Variants in KLK1 observed in about 807,000 individuals in gnomAD.
KLK1 encodes the protein kallikrein-1.
Under a neutral mutation model 23.3 loss-of-function variants are expected in KLK1, and 22 were observed. The ratio of observed to expected loss-of-function variants is 0.95; its 90% confidence interval spans 0.68 to 1.35. KLK1 has a LOEUF of 1.35. Among genes scored for constraint, KLK1 ranks in the 40% most tolerant of loss-of-function variants. The pLI, the probability that KLK1 is intolerant of heterozygous loss-of-function variation, is 0.00. For synonymous variants in KLK1, 140 were observed against 135.8 expected (o/e 1.03, Z -0.21); for missense variants, 301 against 338.9 (o/e 0.89, Z 0.88).
chr19:50,822,821 T>G lies in KLK1; in HGVS notation c.46+882A>C, dbSNP rs1004097113. 55 of 977,230 alleles carry G rather than the reference T, an allele frequency of 5.6e-5. No homozygotes were observed. In the African/African-American group the frequency reaches 9.5e-4, roughly 17 times the overall value. 60.5% of individuals were successfully genotyped at this position (977,230 alleles called of 1,614,324 possible). ...GTGGTGAGAACAGGCGCCAAGCAGC[T>G]GTGGGAATGCAATGCAGGACCCACT... On this transcript the variant is annotated intron_variant, in intron 1 of 4. Coordinates refer to ENST00000301420, the MANE Select transcript of KLK1 (RefSeq NM_002257.4).
In KLK1 at chr19:50,823,293, C is replaced by A. The variant is rs566452673; in HGVS notation, c.46+410G>T. On this transcript the variant is annotated intron_variant, in intron 1 of 4. Transcript: ENST00000301420. ...GACTCAGGAGCCAAATAGGTGGCCG[C>A]AGGGAACTAGGGGGCAGGAGGGGAT... Among the ~76,000 whole-genome samples, 4 of 151,344 alleles carry A rather than the reference C, an allele frequency of 2.6e-5. No homozygotes were observed. The East Asian group carries it at 5.9e-4, about 22-fold the overall frequency.
At chr19:50,822,360 G>A (rs756937578) in intron 1 of KLK1, 6 of 987,708 alleles carry the variant, frequency 6.1e-6, no homozygotes, top group Middle Eastern at 5.2e-4. Context: ...TGAGGTTCAG[G>A]AAAGGATGCA....
At position 50,820,368 on chromosome 19, in the gene KLK1, C is replaced by G; in HGVS notation, c.282G>C (p.Glu94Asp). 1 of 1,613,946 alleles carries G rather than the reference C, an allele frequency of 6.2e-7. No homozygotes were observed. Among genetic ancestry groups the G allele is most frequent in the Non-Finnish European group, 8.5e-7 (1 of 1,180,022 alleles). ...ENTAQFVHVS[E>D]SFPHPGFNMS... Reference sequence around the variant, plus strand: ...TGTTGAAGCCAGGGTGTGGGAAGCTCTCACTGACATGAACAAACTGGGCTG... The same window carrying G: ...TGTTGAAGCCAGGGTGTGGGAAGCTGTCACTGACATGAACAAACTGGGCTG... The change falls in exon 3 of 5, where the codon GAG (glutamate) becomes GAC (aspartate). Residue 94 changes from glutamate to aspartate, a missense_variant. By Grantham distance (45) the Glu-to-Asp change is conservative (BLOSUM62 2). Coordinates refer to ENST00000301420, the MANE Select transcript of KLK1 (RefSeq NM_002257.4).
At chr19:50,822,662 C>G (rs562812177) in intron 1 of KLK1, 1 of 964,638 alleles carries the variant, frequency 1.0e-6, no homozygotes, top group Non-Finnish European at 1.2e-6. Flanking sequence ...AGGAGGGAGG[C>G]GTGAGTGGCA....
In KLK1 at chr19:50,821,892, C is replaced by T. The variant is rs981286394; in HGVS notation, c.47-21G>A. ...AGCACCTGCAGAGGCGGTGCTGGGT[C>T]AGGAAGGGCAGGGTTGGCAGGAGAG... is the stretch of plus-strand genomic sequence containing the variant. On this transcript the variant is annotated intron_variant, in intron 1 of 4. Transcript: ENST00000301420. This position sits in a 1 kb window ranked among gnomAD's most constrained non-coding sequence, Gnocchi z 5.6. 1.9e-6 allele frequency: 3 copies of T among 1,590,652 alleles called. No individual in the cohort carries two copies. Among genetic ancestry groups the T allele is most frequent in the Non-Finnish European group, 2.6e-6 (3 of 1,165,612 alleles).
At position 50,819,294 on chromosome 19, in the gene KLK1, C is replaced by G. The variant is rs757495269; in HGVS notation, c.689G>C (p.Trp230Ser). The change falls in exon 5 of 5, where the codon TGG (tryptophan) becomes TCG (serine). Residue 230 changes from tryptophan to serine, a missense_variant. By Grantham distance (177) the Trp-to-Ser change is radical (BLOSUM62 -3). Coordinates refer to ENST00000301420, the MANE Select transcript of KLK1 (RefSeq NM_002257.4). Reference sequence around the variant, plus strand: ...GGGGGTGCCACAAGGGACGTAGCCCCATGATGTGACACCTTGGAGCACACC... The same window carrying G: ...GGGGGTGCCACAAGGGACGTAGCCCGATGATGTGACACCTTGGAGCACACC... Reference protein sequence around the residue: ...CDGVLQGVTSWGYVPCGTPNK... With the variant: ...CDGVLQGVTSSGYVPCGTPNK... The G allele has an allele frequency of 1.5e-5, 24 of 1,614,026 alleles. No homozygotes were observed. The highest frequency in any genetic ancestry group is 1.9e-5 in the Non-Finnish European group (23 of 1,179,990).
At position 50,821,003 on chromosome 19, in the gene KLK1, G is replaced by A. The variant is rs1255290455; in HGVS notation, c.207-560C>T. ...GGAGGGGAGGCCTGAGAGCGGCTCA[G>A]CTGCAGCTGGGGCTGTGGTGCGGGC... On this transcript the variant is annotated intron_variant, in intron 2 of 4. Coordinates refer to ENST00000301420, the MANE Select transcript of KLK1 (RefSeq NM_002257.4). This position sits in a 1 kb window ranked among gnomAD's most constrained non-coding sequence, Gnocchi z 5.6. Among the ~76,000 whole-genome samples, 1 of 152,056 alleles carries A rather than the reference G, an allele frequency of 6.6e-6. No individual in the cohort carries two copies. The highest frequency in any genetic ancestry group is 1.5e-5 in the Non-Finnish European group (1 of 67,990).
chr19:50,820,453 G>C lies in KLK1; in HGVS notation c.207-10C>G. 1 of 1,360,666 alleles carries C rather than the reference G, an allele frequency of 7.3e-7. No individual in the cohort carries two copies. The highest frequency in any genetic ancestry group is 9.8e-7 in the Non-Finnish European group (1 of 1,021,186). The allele number at this position is 1,360,666 out of a possible 1,614,324, so 84.3% of individuals were successfully genotyped here. A position where few individuals can be genotyped will look rare whatever the true frequency, so the allele number is the denominator to read the frequency against. ...CCAGAGCTGGTAATTGCTGGGGAAA[G>C]ATGGGAATGGAGGGATGAGAAGACG... On this transcript the variant is annotated splice_polypyrimidine_tract_variant and intron_variant, in intron 2 of 4. Transcript: ENST00000301420.
chr19:50,820,063 A>G, intron 3 of KLK1, 28 bp from the exon 4 acceptor site: 1 of 1,613,596 alleles, frequency 6.2e-7, no homozygotes, highest in Non-Finnish European at 8.5e-7. Context: ...AAAGGGCTGC[A>G]GCCCGACCTC....
At position 50,820,011 on chromosome 19, in the gene KLK1, C is replaced by A; in HGVS notation, c.521G>T (p.Cys174Phe). Residue 174 changes from cysteine to phenylalanine, a missense_variant, in exon 4 of 5, where the codon TGT becomes TTT. Physicochemically the swap from Cys to Phe is radical, Grantham distance 205. Transcript: ENST00000301420. The stretch of plus-strand genomic sequence containing the variant: ...ATTAGGCAGGATTTTGAGGTCCACA[C>A]ACTGGAGATCATCTGGAAATGAGAC... ...ENFSFPDDLQ[C>F]VDLKILPNDE... 6.2e-7 allele frequency: 1 copy of A among 1,614,200 alleles called. No individual in the cohort carries two copies. Among genetic ancestry groups the A allele is most frequent in the Non-Finnish European group, 8.5e-7 (1 of 1,180,030 alleles).
In KLK1 at chr19:50,819,151, T is replaced by C. The variant is rs749015091; in HGVS notation, c.*43A>G. ...ATGGCAGAACGTGACACACATTGGATGCACATTTGATTTTACTGGGGGTAG... is the reference window on the plus strand; with the variant it reads ...ATGGCAGAACGTGACACACATTGGACGCACATTTGATTTTACTGGGGGTAG... On this transcript the variant is annotated 3_prime_UTR_variant, in exon 5 of 5. Coordinates refer to ENST00000301420, the MANE Select transcript of KLK1 (RefSeq NM_002257.4). The C allele has an allele frequency of 1.3e-6, 2 of 1,559,758 alleles. No homozygotes were observed. Among genetic ancestry groups the C allele is most frequent in the Non-Finnish European group, 1.8e-6 (2 of 1,139,876 alleles).
At position 50,821,025 on chromosome 19, in the gene KLK1, G is replaced by A. The variant is rs2089825398; in HGVS notation, c.207-582C>T. Among the ~76,000 whole-genome samples the A allele has an allele frequency of 1.3e-5, 2 of 152,122 alleles. No individual in the cohort carries two copies. The highest frequency in any genetic ancestry group is 2.4e-5 in the African/African-American group (1 of 41,418). On this transcript the variant is annotated intron_variant, in intron 2 of 4. Coordinates refer to ENST00000301420, the MANE Select transcript of KLK1 (RefSeq NM_002257.4). The surrounding 1 kb of genome is among the most constrained non-coding windows in gnomAD (Gnocchi z 5.6). ...TCAGCTGCAGCTGGGGCTGTGGTGC[G>A]GGCTCCCCAGGGGCAGGTGGCCTGG... is the stretch of plus-strand genomic sequence containing the variant.
Position 50,821,678 on chromosome 19 carries a change from A to G in KLK1, c.206+34T>C. On this transcript the variant is annotated intron_variant, in intron 2 of 4. Transcript: ENST00000301420. This position sits in a 1 kb window ranked among gnomAD's most constrained non-coding sequence, Gnocchi z 5.6. ...GCCTGTCAATCCTGTGGCAGCATAG[A>G]TGCCCTCCTCCCAGACCCCAGGCCC... is the stretch of plus-strand genomic sequence containing the variant. 6.5e-7 allele frequency: 1 copy of G among 1,545,480 alleles called. No individual in the cohort carries two copies. Among genetic ancestry groups the G allele is most frequent in the Non-Finnish European group, 8.8e-7 (1 of 1,142,546 alleles).
At chr19:50,819,842 C>G in intron 4 of KLK1, 57 bp downstream of exon 4, 1 of 1,572,024 alleles carries the variant, frequency 6.4e-7, no homozygotes, top group Non-Finnish European at 8.7e-7. Flanking sequence ...GAAGCCAGTT[C>G]AGAGGCTGAG....
At position 50,822,067 on chromosome 19, in the gene KLK1, C is replaced by T. The variant is rs2089831763; in HGVS notation, c.47-196G>A. 8 of 1,355,416 alleles carry T rather than the reference C, an allele frequency of 5.9e-6. No individual in the cohort carries two copies. In the African/African-American group the frequency reaches 7.3e-5, roughly 12 times the overall value. 84.0% of individuals were successfully genotyped at this position (1,355,416 alleles called of 1,614,324 possible). Reference sequence around the variant, plus strand: ...GTTCCCTGGGCTTTTGGAGTGGTGGCTGGACCTGGTGGGGAGATTTTGTGC... The same window carrying T: ...GTTCCCTGGGCTTTTGGAGTGGTGGTTGGACCTGGTGGGGAGATTTTGTGC... On this transcript the variant is annotated intron_variant, in intron 1 of 4. Transcript: ENST00000301420.
At chr19:50,822,972 G>A (rs2089837190) in intron 1 of KLK1, 2 of 936,350 alleles carry the variant, frequency 2.1e-6, no homozygotes, top group Non-Finnish European at 2.5e-6. Context: ...AACAATTCAG[G>A]CAGAGAAGGG....
At position 50,823,742 on chromosome 19, in the gene KLK1, A is replaced by G. The variant is rs1442798948; in HGVS notation, c.7T>C (p.Phe3Leu). The change falls in exon 1 of 5, where the codon TTC (phenylalanine) becomes CTC (leucine). Residue 3 changes from phenylalanine to leucine, a missense_variant. Phe to Leu is a conservative substitution (Grantham distance 22). Transcript: ENST00000301420. MW[F>L]LVLCLALSLG... ...GACAGGGCGAGGCACAGAACCAGGA[A>G]CCACATGGTGACAGAGGTGTCCAGG... 2 of 1,610,846 alleles carry G rather than the reference A, an allele frequency of 1.2e-6. No homozygotes were observed. The highest frequency in any genetic ancestry group is 2.7e-5 in the African/African-American group (2 of 74,772).
intron 1 of KLK1, chr19:50,822,682 G>A (rs548246172): frequency 1.1e-5 from 11 of 985,206 alleles, no homozygotes; most frequent in South Asian, 4.7e-5. Context: ...AGTCCTTCTC[G>A]GACAGGGTGA....
rs1202900453 is a variant in KLK1 at position 50,820,337 on chromosome 19, G to A, written c.313C>T (p.Leu105Phe). The change falls in exon 3 of 5, where the codon CTC becomes TTC. Residue 105 changes from leucine to phenylalanine, a missense_variant. Coordinates refer to ENST00000301420, the MANE Select transcript of KLK1 (RefSeq NM_002257.4). Reference sequence around the variant, plus strand: ...GCTTGGCGGGTGTGGTTCTCCAGGAGGCTCATGTTGAAGCCAGGGTGTGGG... The same window carrying A: ...GCTTGGCGGGTGTGGTTCTCCAGGAAGCTCATGTTGAAGCCAGGGTGTGGG... ...SFPHPGFNMS[L>F]LENHTRQADE... 1.9e-6 allele frequency: 3 copies of A among 1,613,918 alleles called. No homozygotes were observed. The highest frequency in any genetic ancestry group is 1.3e-5 in the African/African-American group (1 of 74,878).
Sources: allele counts gnomAD v4.1 joint callset (sites outside exome capture counted in the v4.1 genomes callset), GRCh38; gene constraint gnomAD v4.1.1; non-coding constraint Gnocchi (gnomAD v3.1); transcripts MANE v1.5; gene names NCBI Gene and HGNC (gene_info 2026-07-23, HGNC 2026-07-21).